The following CHRM2 variants were observed in gnomAD, a reference collection of about 807,000 sequenced individuals.
CHRM2 encodes the protein cholinergic receptor muscarinic 2, also known as muscarinic acetylcholine receptor M2.
CHRM2 carries 8 observed loss-of-function variants against 25.0 expected under a neutral mutation model. The observed-to-expected ratio is 0.32, with a 90% confidence interval of 0.19 to 0.58. CHRM2 has a LOEUF of 0.58. Among genes scored for constraint, CHRM2 ranks in the 20% least tolerant of loss-of-function variants. The pLI is 0.88. For synonymous variants in CHRM2, 202 were observed against 205.7 expected (o/e 0.98, Z 0.15); for missense variants, 440 against 567.1 (o/e 0.78, Z 2.28).
intron 3 of CHRM2, among the ~76,000 whole-genome samples, chr7:137,002,287 G>A (rs1448211022): frequency 6.6e-6 from 1 of 152,056 alleles, no homozygotes; most frequent in African/African-American, 2.4e-5. Flanking sequence ...TTAACTTTAT[G>A]CATATTTATA....
chr7:136,882,459 CA>C (rs1357134802), intron 2 of CHRM2, among the ~76,000 whole-genome samples: 1 of 151,370 alleles, frequency 6.6e-6, no homozygotes, highest in African/African-American at 2.4e-5. Context: ...TCCTTCTTCT[CA>C]GCATTTAATT....
intron 3 of CHRM2, among the ~76,000 whole-genome samples, chr7:137,007,663 T>C (rs1804534105): frequency 6.6e-6 from 1 of 152,130 alleles, no homozygotes; most frequent in Non-Finnish European, 1.5e-5. Context: ...TCAATATTGC[T>C]AGCTAGCAGG....
chr7:137,009,135 A>C (rs1804642604), intron 3 of CHRM2, among the ~76,000 whole-genome samples: 1 of 152,150 alleles, frequency 6.6e-6, no homozygotes, highest in Non-Finnish European at 1.5e-5. Flanking sequence ...ATTCACCTAC[A>C]AAAGCATTCA....
chr7:136,962,075 G>T (rs1361167179), intron 2 of CHRM2, among the ~76,000 whole-genome samples: 1 of 152,062 alleles, frequency 6.6e-6, no homozygotes, highest in African/African-American at 2.4e-5. Flanking sequence ...ATACTGTGGG[G>T]TATATGACCA....
chr7:136,944,378 T>C (rs1799944829), intron 2 of CHRM2, among the ~76,000 whole-genome samples: 1 of 152,162 alleles, frequency 6.6e-6, no homozygotes, highest in African/African-American at 2.4e-5. Context: ...CTTAGAATAA[T>C]GGTCTCCAAT....
chr7:136,894,012 T>C (rs1192496503), intron 2 of CHRM2, among the ~76,000 whole-genome samples: 2 of 152,242 alleles, frequency 1.3e-5, no homozygotes, highest in African/African-American at 2.4e-5. Context: ...ACATTATGCA[T>C]GTTTTCTCAC....
chr7:136,887,799 T>A (rs1320391512), intron 2 of CHRM2, among the ~76,000 whole-genome samples: 1 of 151,962 alleles, frequency 6.6e-6, no homozygotes, highest in Non-Finnish European at 1.5e-5. Context: ...AAACTTAGGG[T>A]TTTATATATT....
At chr7:136,887,513 G>T (rs746459085) in intron 2 of CHRM2, among the ~76,000 whole-genome samples, 10 of 152,042 alleles carry the variant, frequency 6.6e-5, no homozygotes, top group Non-Finnish European at 1.5e-5. Context: ...CTGTGCCATT[G>T]CCTGAAATAC....
intron 2 of CHRM2, among the ~76,000 whole-genome samples, chr7:136,878,846 TG>T (rs556060206): frequency 3.5e-3 from 526 of 152,080 alleles, no homozygotes; most frequent in Middle Eastern, 0.017. Flanking sequence ...TTTTTTGTTT[TG>T]GTTTACTATA....
chr7:136,893,265 G>A (rs892447580), intron 2 of CHRM2, among the ~76,000 whole-genome samples: 1 of 152,036 alleles, frequency 6.6e-6, no homozygotes, highest in African/African-American at 2.4e-5. Context: ...TTGTGGGCCT[G>A]CTTCCTTTTA....
At chr7:136,954,288 T>C (rs1193153398) in intron 2 of CHRM2, among the ~76,000 whole-genome samples, 1 of 152,192 alleles carries the variant, frequency 6.6e-6, no homozygotes, top group Non-Finnish European at 1.5e-5. Flanking sequence ...TGGTGGTCTG[T>C]TGTCTGAGCA....
intron 3 of CHRM2, among the ~76,000 whole-genome samples, chr7:137,002,401 G>A (rs1563119519): frequency 6.6e-6 from 1 of 152,010 alleles, no homozygotes. Context: ...CTAAATTTGT[G>A]GAGGACCAGA....
intron 2 of CHRM2, among the ~76,000 whole-genome samples, chr7:136,940,996 G>GC (rs1799739706): frequency 6.6e-6 from 1 of 152,138 alleles, no homozygotes; most frequent in African/African-American, 2.4e-5. Context: ...GCCTGACCTT[G>GC]CCCAGCTAAT....
rs1222156572 is a variant in CHRM2, at chr7:137,018,176, A to C, written c.*1910A>C. ...TAGATGCCACCTCAACATTTTGGAG[A>C]GTTAAGGAGGAAAAAAAGCATGAGG... On this transcript the variant is annotated 3_prime_UTR_variant, in exon 4 of 4. Transcript: ENST00000680005. 1 of 151,574 alleles carries C rather than the reference A, an allele frequency of 6.6e-6. No homozygotes were observed. The allele number at this position is 151,574 out of a possible 1,614,324, so 9.4% of individuals were successfully genotyped here.
chr7:136,918,331 G>A (rs1798235941), intron 2 of CHRM2, among the ~76,000 whole-genome samples: 1 of 152,086 alleles, frequency 6.6e-6, no homozygotes, highest in African/African-American at 2.4e-5. Context: ...TGATGAAATT[G>A]TGACTTAAAA....
intron 3 of CHRM2, among the ~76,000 whole-genome samples, chr7:137,001,808 T>A (rs1563119080): frequency 6.6e-6 from 1 of 152,176 alleles, no homozygotes; most frequent in African/African-American, 2.4e-5. Context: ...TATTTCCAGA[T>A]AAATGTTTTA....
chr7:136,974,162 G>A (rs559333038), intron 2 of CHRM2, among the ~76,000 whole-genome samples: 6 of 152,186 alleles, frequency 3.9e-5, no homozygotes, highest in African/African-American at 9.6e-5. Context: ...AAGTACTTAC[G>A]ATGCTTCTAC....
At chr7:136,952,722 G>C (rs1800487978) in intron 2 of CHRM2, among the ~76,000 whole-genome samples, 1 of 151,950 alleles carries the variant, frequency 6.6e-6, no homozygotes, top group Non-Finnish European at 1.5e-5. Flanking sequence ...TTCTTCCTCT[G>C]ACCCAGAACC....
At chr7:136,890,678 G>T (rs932607955) in intron 2 of CHRM2, among the ~76,000 whole-genome samples, 6 of 152,124 alleles carry the variant, frequency 3.9e-5, no homozygotes, top group Non-Finnish European at 8.8e-5. Flanking sequence ...GATGCAGTGT[G>T]GTTTGCCCAA....
Sources: allele counts gnomAD v4.1 joint callset (sites outside exome capture counted in the v4.1 genomes callset), GRCh38; gene constraint gnomAD v4.1.1; transcripts MANE v1.5; gene names NCBI Gene and HGNC (gene_info 2026-07-23, HGNC 2026-07-21).